The following CFAP54 variants were observed in gnomAD, a reference collection of about 807,000 sequenced individuals.
The protein encoded by CFAP54 is cilia- and flagella-associated protein 54.
In CFAP54, 290 loss-of-function variants were observed where a neutral mutation model predicts 370.4. The ratio of observed to expected loss-of-function variants is 0.78; its 90% confidence interval spans 0.71 to 0.86. The LOEUF (loss-of-function observed/expected upper bound fraction) is 0.86. CFAP54 is among the 40% of genes least tolerant of loss of function. CFAP54 has a pLI of 0.00. For synonymous variants in CFAP54, 1,206 were observed against 1,236.5 expected (o/e 0.98, Z 0.52); for missense variants, 3,399 against 3,528.7 (o/e 0.96, Z 0.93).
At chr12:96,791,903 G>A (rs1220044177) in intron 62 of CFAP54, among the ~76,000 whole-genome samples, 1 of 148,862 alleles carries the variant, frequency 6.7e-6, no homozygotes, top group Non-Finnish European at 1.5e-5. Flanking sequence ...AATCTGGAGT[G>A]CAGTGGCACG....
intron 5 of CFAP54, among the ~76,000 whole-genome samples, chr12:96,515,020 T>G (rs1955214703): frequency 6.6e-6 from 1 of 151,720 alleles, no homozygotes; most frequent in African/African-American, 2.4e-5. Context: ...CTTTTTTTTT[T>G]TTTTTTGAGA....
Position 96,507,029 on chromosome 12 carries a change from C to G in CFAP54, c.669C>G (p.Ile223Met). 1.3e-6 allele frequency: 2 copies of G among 1,536,034 alleles called. No individual in the cohort carries two copies. Among genetic ancestry groups the G allele is most frequent in the South Asian group, 2.4e-5 (2 of 83,924 alleles). Reference sequence around the variant, plus strand: ...AATCTGTGGTCCAGTGTCTGCATATCTTGTCCTCCTTAAGGCTCATCATGC... The same window carrying G: ...AATCTGTGGTCCAGTGTCTGCATATGTTGTCCTCCTTAAGGCTCATCATGC... ...NKESVVQCLH[I>M]LSSLRLIMQV... is the part of the protein sequence containing the mutation. Residue 223 changes from isoleucine to methionine, a missense_variant, in exon 4 of 68, where the codon ATC becomes ATG. By Grantham distance (10) the Ile-to-Met change is conservative. Around this residue, in one of 3 missense-constraint regions of CFAP54, gnomAD observed 559 missense variants for 576.7 expected, o/e 0.97. Coordinates refer to ENST00000524981, the MANE Select transcript of CFAP54 (RefSeq NM_001306084.2).
At chr12:96,620,324 T>C (rs1202562274) in intron 26 of CFAP54, among the ~76,000 whole-genome samples, 1 of 152,214 alleles carries the variant, frequency 6.6e-6, no homozygotes, top group Non-Finnish European at 1.5e-5. Context: ...TGTGAAGTAA[T>C]TGAATCATGG....
At chr12:96,866,166 CTCATTT>C (rs780445242) in intron 67 of CFAP54, among the ~76,000 whole-genome samples, 80 of 152,170 alleles carry the variant, frequency 5.3e-4, no homozygotes, top group Admixed American at 2.9e-3. Context: ...TTTACTAACA[CTCATTT>C]TCTATTTCTA....
At chr12:96,496,705 G>A (rs1355629677) in intron 1 of CFAP54, among the ~76,000 whole-genome samples, 2 of 152,262 alleles carry the variant, frequency 1.3e-5, no homozygotes, top group African/African-American at 4.8e-5. Context: ...GGGGGCAGTG[G>A]GGGAGGGGTC....
chr12:96,791,207 C>T (rs1030304398), intron 62 of CFAP54, among the ~76,000 whole-genome samples: 21 of 137,774 alleles, frequency 1.5e-4, no homozygotes, highest in African/African-American at 4.8e-4. Flanking sequence ...TTTTTTGAGA[C>T]GGAGTCTCAC....
At chr12:96,536,300 AC>A (rs1193232066) in intron 12 of CFAP54, among the ~76,000 whole-genome samples, 3 of 152,222 alleles carry the variant, frequency 2.0e-5, no homozygotes, top group Non-Finnish European at 4.4e-5. Flanking sequence ...TTTGTATATA[AC>A]ACTGGGATTC....
At chr12:96,593,859 G>T (rs917801050) in intron 24 of CFAP54, among the ~76,000 whole-genome samples, 1 of 151,962 alleles carries the variant, frequency 6.6e-6, no homozygotes, top group East Asian at 1.9e-4. Context: ...ATAATAGGAG[G>T]TTAGCTTGGT....
chr12:96,712,136 A>G (rs182997579), intron 48 of CFAP54, among the ~76,000 whole-genome samples: 36 of 151,696 alleles, frequency 2.4e-4, no homozygotes, highest in African/African-American at 7.2e-4. Context: ...ACATTATACT[A>G]TTTTTTTTCC....
At chr12:96,724,736 A>G (rs145398433) in intron 50 of CFAP54, among the ~76,000 whole-genome samples, 2,522 of 152,330 alleles carry the variant, frequency 0.017, 69 homozygotes, top group African/African-American at 0.056. Flanking sequence ...TATTTTAGAC[A>G]TGAAGTCCTT....
intron 55 of CFAP54, among the ~76,000 whole-genome samples, chr12:96,752,564 C>A (rs1958198867): frequency 6.6e-6 from 1 of 152,174 alleles, no homozygotes; most frequent in Non-Finnish European, 1.5e-5. Flanking sequence ...TCTCCTACTT[C>A]CATTCTCCTC....
At chr12:96,705,024 A>G (rs1410591809) in intron 47 of CFAP54, among the ~76,000 whole-genome samples, 1 of 152,136 alleles carries the variant, frequency 6.6e-6, no homozygotes, top group Non-Finnish European at 1.5e-5. Context: ...TTGATGACCT[A>G]GTAATATTTG....
At chr12:96,767,849 T>C (rs1958415742) in intron 60 of CFAP54, among the ~76,000 whole-genome samples, 1 of 131,402 alleles carries the variant, frequency 7.6e-6, no homozygotes, top group African/African-American at 2.9e-5. Flanking sequence ...AATACTAGCA[T>C]TGATCTACAC....
chr12:96,828,938 A>C (rs1242086660), intron 65 of CFAP54, 76 bp from the exon 66 acceptor site: 1 of 709,536 alleles, frequency 1.4e-6, no homozygotes, highest in Admixed American at 2.7e-5. Flanking sequence ...CAAATGAAAT[A>C]GTTTATAATT....
rs773768009 is a variant in CFAP54, at chr12:96,608,332, CACAT to C, written c.3639+9568_3639+9571del. On this transcript the variant is annotated intron_variant, in intron 26 of 67. Transcript: ENST00000524981. ...ATACACACACACACACACACACACA[CACAT>C]ACGCACACACATACATATAAAATTA... 2.4e-4 allele frequency among the ~76,000 whole-genome samples: 34 copies of C among 140,636 alleles called. No homozygotes were observed. The East Asian group carries it at 4.4e-3, about 18-fold the overall frequency. 92.3% of individuals were successfully genotyped at this position (140,636 alleles called of 152,430 possible). A position where few individuals can be genotyped will look rare whatever the true frequency, so the allele number is the denominator to read the frequency against.
chr12:96,728,694 G>A (rs561420260), intron 50 of CFAP54, among the ~76,000 whole-genome samples: 61 of 152,260 alleles, frequency 4.0e-4, no homozygotes, highest in East Asian at 3.3e-3. Context: ...GTCATTCTCC[G>A]TCCAGCTTTG....
intron 49 of CFAP54, among the ~76,000 whole-genome samples, chr12:96,719,687 C>T (rs1957726400): frequency 6.6e-6 from 1 of 152,186 alleles, no homozygotes; most frequent in Non-Finnish European, 1.5e-5. Flanking sequence ...GCACGTATTC[C>T]CAGCTGAGTT....
chr12:96,621,888 T>TG (rs1956498366), intron 27 of CFAP54, among the ~76,000 whole-genome samples, 167 bp downstream of exon 27: 1 of 131,880 alleles, frequency 7.6e-6, no homozygotes, highest in South Asian at 2.7e-4. Flanking sequence ...TTTTTTTTTT[T>TG]TTTTTTTTTT....
intron 63 of CFAP54, among the ~76,000 whole-genome samples, chr12:96,799,760 A>G (rs1402631560): frequency 6.6e-6 from 1 of 152,204 alleles, no homozygotes; most frequent in African/African-American, 2.4e-5. Context: ...AGTCTCTTTT[A>G]GGGGAATGTA....
Sources: gnomAD v4.1 joint callset for allele counts (sites outside exome capture counted in the v4.1 genomes callset) on GRCh38, gnomAD v4.1.1 for gene constraint, gnomAD v4.1.1 regional missense constraint, MANE v1.5 for transcripts, NCBI Gene and HGNC (gene_info 2026-07-23, HGNC 2026-07-21) for gene names.